Variants in INPP5B observed in about 807,000 individuals in gnomAD.
The protein encoded by INPP5B is type II inositol 1,4,5-trisphosphate 5-phosphatase.
A neutral mutation model predicts 118.5 loss-of-function variants in INPP5B; 90 were observed. The ratio of observed to expected loss-of-function variants is 0.76; its 90% CI spans 0.64 to 0.90. The LOEUF is 0.90. Among genes scored for constraint, INPP5B ranks in the 40% least tolerant of loss-of-function variants. The pLI is 0.00. For missense variants in INPP5B, 984 were observed against 1,125.6 expected (o/e 0.87, Z 1.80); for synonymous variants, 385 against 418.9 (o/e 0.92, Z 0.99).
chr1:37,927,005 G>A (rs1194820903), intron 7 of INPP5B, among the ~76,000 whole-genome samples: 2 of 152,118 alleles, frequency 1.3e-5, no homozygotes, highest in African/African-American at 4.8e-5. Flanking sequence ...TAAGAACAGT[G>A]AGGCCAGGCG....
rs1181062996 is a variant in INPP5B, at chr1:37,885,631, G to C, written c.1319+7C>G. ...GTGAACCGCATGGGGTGGAAGCCCA[G>C]ACTCACTCATGGTTGCTGATGGTGA... is the stretch of plus-strand genomic sequence containing the variant. On this transcript the variant is annotated splice_region_variant and intron_variant, in intron 13 of 23. Transcript: ENST00000373024. 1 of 1,612,698 alleles carries C rather than the reference G, an allele frequency of 6.2e-7. No homozygotes were observed. Among genetic ancestry groups the C allele is most frequent in the African/African-American group, 1.3e-5 (1 of 74,898 alleles).
chr1:37,873,244 T>C (rs1260354519), intron 18 of INPP5B, 79 bp from the exon 19 acceptor site: 8 of 1,002,824 alleles, frequency 8.0e-6, no homozygotes, highest in African/African-American at 7.8e-5. Flanking sequence ...GGGAAGAGGG[T>C]AAGGCATAAA....
At chr1:37,900,807 G>A (rs561480832) in intron 7 of INPP5B, among the ~76,000 whole-genome samples, 39 of 148,168 alleles carry the variant, frequency 2.6e-4, no homozygotes, top group Admixed American at 4.0e-4. Flanking sequence ...TTTTGTTTTC[G>A]GTTTTTGTTT....
rs776132435 is a variant in INPP5B at position 37,945,889 on chromosome 1, G to A, written c.58-39C>T. ...TCAAGGGAAGACAACCCAGAGGCGA[G>A]GCCTCTCCCCACCCAGGCTGTCCCA... On this transcript the variant is annotated intron_variant, in intron 2 of 23. Transcript: ENST00000373024. 2.6e-6 allele frequency: 4 copies of A among 1,567,330 alleles called. No individual in the cohort carries two copies. The African/African-American group carries it at 5.4e-5, about 21-fold the overall frequency.
intron 7 of INPP5B, among the ~76,000 whole-genome samples, chr1:37,900,103 C>T (rs1570194310): frequency 7.7e-6 from 1 of 130,026 alleles, no homozygotes; most frequent in Admixed American, 7.7e-5. Context: ...TTTGAGACAG[C>T]GTCTCACTCA....
At chr1:37,927,678 A>G (rs761325356) in intron 7 of INPP5B, among the ~76,000 whole-genome samples, 33 of 151,764 alleles carry the variant, frequency 2.2e-4, no homozygotes, top group Non-Finnish European at 2.9e-4. Context: ...CTGGGACTAC[A>G]GGCGCCCACC....
chr1:37,908,500 C>T (rs1168120973), intron 7 of INPP5B, among the ~76,000 whole-genome samples: 2 of 151,528 alleles, frequency 1.3e-5, no homozygotes, highest in Non-Finnish European at 1.5e-5. Flanking sequence ...CTCAGGGAGG[C>T]TAAGAGGCGG....
At chr1:37,869,616 A>T (rs1020775758) in intron 19 of INPP5B, among the ~76,000 whole-genome samples, 1 of 151,838 alleles carries the variant, frequency 6.6e-6, no homozygotes, top group African/African-American at 2.4e-5. Context: ...AGCAGCTGGG[A>T]ATACAGGCGC....
chr1:37,937,156 C>A (rs2148679326), intron 6 of INPP5B, among the ~76,000 whole-genome samples: 1 of 151,512 alleles, frequency 6.6e-6, no homozygotes, highest in Non-Finnish European at 1.5e-5. Flanking sequence ...ATTAAAAATA[C>A]AAAAATTAGC....
chr1:37,868,578 G>A lies in INPP5B; in HGVS notation c.2224C>T (p.Gln742Ter). 1.2e-6 allele frequency: 2 copies of A among 1,613,702 alleles called. No homozygotes were observed. Among genetic ancestry groups the A allele is most frequent in the Non-Finnish European group, 1.7e-6 (2 of 1,179,638 alleles). The change falls in exon 20 of 24, where the codon CAG becomes TAG. Residue 742 changes from glutamine to a stop codon, truncating the protein, a stop_gained. Coordinates refer to ENST00000373024, the MANE Select transcript of INPP5B (RefSeq NM_005540.3). LOFTEE classifies it high-confidence loss of function. The stretch of plus-strand genomic sequence containing the variant: ...GGGATTTCCATGGGGCTATCCAACT[G>A]GCTCCCATCATCTCCAGTCCATACT... ...MPVWTGDDGSQLDSPMEIPKE... is the reference protein window; with the variant it reads ...MPVWTGDDGS
chr1:37,882,974 A>AT (rs1643297395), intron 13 of INPP5B, 56 bp from the exon 14 acceptor site: 58 of 1,592,856 alleles, frequency 3.6e-5, no homozygotes, highest in Non-Finnish European at 4.8e-5. Context: ...AACCTGATCT[A>AT]CCCAGGGTGC....
chr1:37,929,919 T>C (rs1209370540), intron 7 of INPP5B: 1 of 151,668 alleles, frequency 6.6e-6, no homozygotes, highest in Non-Finnish European at 1.5e-5. Context: ...TTTTTAGTAG[T>C]GACGGAGTTT....
chr1:37,868,643 C>T (rs768413196), intron 19 of INPP5B, 29 bp from the exon 20 acceptor site: 5 of 1,489,498 alleles, frequency 3.4e-6, no homozygotes, highest in Non-Finnish European at 4.7e-6. Flanking sequence ...CATGACAGAA[C>T]TTCTGCCAGG....
intron 7 of INPP5B, among the ~76,000 whole-genome samples, chr1:37,895,902 G>A (rs1644026223): frequency 6.6e-6 from 1 of 152,244 alleles, no homozygotes; most frequent in South Asian, 2.1e-4. Flanking sequence ...GCCTCCCAAA[G>A]TGCTGAGATT....
chr1:37,866,025 C>G, intron 21 of INPP5B, 137 bp from the exon 22 acceptor site: 1 of 1,383,660 alleles, frequency 7.2e-7, no homozygotes, highest in Non-Finnish European at 9.7e-7. Context: ...CCTAACTTCT[C>G]GAAGGGACCA....
intron 9 of INPP5B, among the ~76,000 whole-genome samples, chr1:37,889,023 C>A (rs1316329414): frequency 1.3e-5 from 2 of 152,096 alleles, no homozygotes; most frequent in Non-Finnish European, 2.9e-5. Context: ...GAGGCCAAGG[C>A]GGGAGGATTG....
chr1:37,872,961 A>G lies in INPP5B; in HGVS notation c.2156T>C (p.Leu719Ser). 6.2e-7 allele frequency: 1 copy of G among 1,614,156 alleles called. No individual in the cohort carries two copies. Among genetic ancestry groups the G allele is most frequent in the Non-Finnish European group, 8.5e-7 (1 of 1,180,006 alleles). Reference protein sequence around the residue: ...HTLCYMREPILDLPLETISEL... With the variant: ...HTLCYMREPISDLPLETISEL... The stretch of plus-strand genomic sequence containing the variant: ...ACTAATGGTTTCAAGTGGTAGGTCC[A>G]AGATTGGCTCTCTCATGTAACACAG... Residue 719 changes from leucine to serine, a missense_variant, in exon 19 of 24, where the codon TTG (leucine) becomes TCG (serine). Physicochemically the swap from Leu to Ser is moderately radical, Grantham distance 145. Coordinates refer to ENST00000373024, the MANE Select transcript of INPP5B (RefSeq NM_005540.3).
intron 6 of INPP5B, among the ~76,000 whole-genome samples, chr1:37,936,115 A>T (rs923062609): frequency 6.6e-6 from 1 of 152,106 alleles, no homozygotes; most frequent in African/African-American, 2.4e-5. Context: ...CATAAGCTAT[A>T]GGGCAAAGTC....
At chr1:37,889,501 C>G in intron 9 of INPP5B, 56 bp downstream of exon 9, 1 of 1,401,568 alleles carries the variant, frequency 7.1e-7, no homozygotes, top group Non-Finnish European at 9.8e-7. Context: ...TGCTCAAATT[C>G]CAGAGTGCCA....
Sources: allele counts gnomAD v4.1 joint callset (sites outside exome capture counted in the v4.1 genomes callset), GRCh38; gene constraint gnomAD v4.1.1; transcripts MANE v1.5; gene names NCBI Gene and HGNC (gene_info 2026-07-23, HGNC 2026-07-21).